Variants in DUS2 observed in about 807,000 individuals in gnomAD.
DUS2 encodes the protein tRNA-dihydrouridine(20) synthase [NAD(P)+]-like.
DUS2 carries 52 observed loss-of-function variants against 71.3 expected under a neutral mutation model. The observed-to-expected ratio is 0.73, with a 90% confidence interval of 0.58 to 0.92. The LOEUF is 0.92. Ranked by LOEUF, DUS2 falls within the 40% of genes least tolerant of loss-of-function variation. DUS2 has a pLI of 0.00. For missense variants in DUS2, 558 were observed against 622.6 expected, an observed-to-expected ratio of 0.90 and a Z score of 1.10; for synonymous variants, 204 against 227.8, an observed-to-expected ratio of 0.90 and a Z score of 0.94.
At chr16:68,043,644 T>TA (rs1284974950) in intron 3 of DUS2, among the ~76,000 whole-genome samples, 2 of 152,182 alleles carry the variant, frequency 1.3e-5, no homozygotes, top group African/African-American at 2.4e-5. Context: ...AATTAAAAAT[T>TA]ATGTTTTTAG....
intron 4 of DUS2, among the ~76,000 whole-genome samples, chr16:68,052,376 C>G (rs2033791226): frequency 6.6e-6 from 1 of 152,154 alleles, no homozygotes; most frequent in African/African-American, 2.4e-5. Flanking sequence ...TCAGGCAACT[C>G]AAAACTTTCA....
chr16:68,060,982 A>G, intron 7 of DUS2, 84 bp from the exon 8 acceptor site: 1 of 1,351,840 alleles, frequency 7.4e-7, no homozygotes, highest in Non-Finnish European at 1.1e-6. Context: ...TGCCGGGGTG[A>G]CGCTCAGTTG....
chr16:68,053,628 A>C lies in DUS2; in HGVS notation c.237A>C (p.Arg79Ser), dbSNP rs1376658747. ...DDRVVFRTCE[R>S]EQNRVVFQMG... ...GAGTTGTCTTCCGCACCTGTGAAAG[A>C]GAGCAGAACAGGGTGGTCTTCCAGA... The change falls in exon 5 of 17, where the codon AGA (arginine) becomes AGC (serine). Residue 79 changes from arginine to serine, a missense_variant. Transcript: ENST00000565263. The C allele has an allele frequency of 1.2e-6, 2 of 1,614,220 alleles. No homozygotes were observed. The highest frequency in any genetic ancestry group is 2.2e-5 in the South Asian group (2 of 91,090).
chr16:68,078,302 T>C (rs2034186663), intron 15 of DUS2, 143 bp from the exon 16 acceptor site: 2 of 753,414 alleles, frequency 2.7e-6, no homozygotes, highest in East Asian at 5.0e-5. Flanking sequence ...GCACTTTTGC[T>C]TGGGAGGAGC....
intron 7 of DUS2, among the ~76,000 whole-genome samples, chr16:68,060,781 G>A (rs1015385270): frequency 6.6e-6 from 1 of 152,078 alleles, no homozygotes; most frequent in Admixed American, 6.5e-5. Flanking sequence ...TGGGGAGGTG[G>A]AGGTTGCAGT....
At chr16:68,055,686 C>T (rs1249393597) in intron 6 of DUS2, among the ~76,000 whole-genome samples, 5 of 151,944 alleles carry the variant, frequency 3.3e-5, no homozygotes, top group Admixed American at 2.6e-4. Flanking sequence ...GCATGTGGCA[C>T]ATACTGACAT....
In DUS2 at chr16:68,075,451, G is replaced by A. The variant is rs2034143729; in HGVS notation, c.1029G>A (p.Gly343=). 3.7e-6 allele frequency: 6 copies of A among 1,613,904 alleles called. No individual in the cohort carries two copies. In the African/African-American group the frequency reaches 8.0e-5, roughly 22 times the overall value. ...RLSAKTSEQT[G]EPAEDTSGVI... ...CAGCCAAGACTTCAGAGCAGACAGG[G>A]GAGCCAGCTGAAGATACCTCTGGTG... The change falls in exon 14 of 17, where the codon GGG becomes GGA. Residue 343 remains glycine (G), a synonymous_variant. Transcript: ENST00000565263.
At chr16:68,065,368 G>GCC (rs148780009) in intron 8 of DUS2, among the ~76,000 whole-genome samples, 2,727 of 148,820 alleles carry the variant, frequency 0.018, 30 homozygotes, top group Non-Finnish European at 0.028. Context: ...GAAGCTGTCT[G>GCC]CCCCCCCGCT....
At chr16:68,076,828 T>C (rs987175597) in intron 15 of DUS2, 109 bp downstream of exon 15, 37 of 849,474 alleles carry the variant, frequency 4.4e-5, no homozygotes, top group Non-Finnish European at 5.9e-5. Flanking sequence ...TCTGTAGGCA[T>C]GGAGAAGCTG....
intron 6 of DUS2, among the ~76,000 whole-genome samples, chr16:68,055,975 A>T (rs1377488705): frequency 2.0e-5 from 3 of 152,028 alleles, no homozygotes; most frequent in African/African-American, 7.2e-5. Context: ...TAGAACTTCC[A>T]CCAGAAGCTG....
chr16:68,039,868 G>A (rs1031378592), intron 3 of DUS2, among the ~76,000 whole-genome samples: 12 of 152,098 alleles, frequency 7.9e-5, no homozygotes, highest in Non-Finnish European at 1.2e-4. Context: ...AGCAGATGAG[G>A]GAATAGAAAT....
intron 2 of DUS2, among the ~76,000 whole-genome samples, chr16:68,026,482 T>C (rs1262354418): frequency 2.6e-5 from 4 of 152,156 alleles, no homozygotes; most frequent in Non-Finnish European, 5.9e-5. Flanking sequence ...TCATTATCAC[T>C]ATAGTATTCC....
At position 68,049,553 on chromosome 16, in the gene DUS2, G is replaced by C. The variant is rs371019394; in HGVS notation, c.172+3G>C. ...TCAGTGCAAGAGAGTTGTTAATGGT[G>C]AGTACAGATCTGGCTCCAGAATTAT... On this transcript the variant is annotated splice_donor_region_variant and intron_variant, in intron 4 of 16. Coordinates refer to ENST00000565263, the MANE Select transcript of DUS2 (RefSeq NM_017803.5). 5.6e-6 allele frequency: 9 copies of C among 1,614,030 alleles called. No homozygotes were observed. The highest frequency in any genetic ancestry group is 1.7e-5 in the Admixed American group (1 of 60,002).
At chr16:68,035,960 ATATGT>A (rs1172127767) in intron 2 of DUS2, among the ~76,000 whole-genome samples, 1 of 137,070 alleles carries the variant, frequency 7.3e-6, no homozygotes, top group East Asian at 2.0e-4. Context: ...ATATACACAC[ATATGT>A]TATATATATA....
Position 68,057,880 on chromosome 16 carries a change from CAAAAAA to C in DUS2, c.369+1472_369+1477del, listed in dbSNP as rs5817628. Among the ~76,000 whole-genome samples the C allele has an allele frequency of 3.3e-4, 30 of 92,122 alleles. 1 individual carries two copies. The highest frequency in any genetic ancestry group is 2.5e-3 in the Admixed American group (22 of 8,752). The allele number at this position is 92,122 out of a possible 152,430, so 60.4% of individuals were successfully genotyped here. A position where few individuals can be genotyped will look rare whatever the true frequency, so the allele number is the denominator to read the frequency against. Reference sequence around the variant, plus strand: ...GGGTGACAAGAGCGAAAATCTGTCTCAAAAAAAAAAAAAAAAAAAAAGTGGATGCAG... The same window carrying C: ...GGGTGACAAGAGCGAAAATCTGTCTCAAAAAAAAAAAAAAAGTGGATGCAG... On this transcript the variant is annotated intron_variant, in intron 7 of 16. Transcript: ENST00000565263.
rs2033512485 is a variant in DUS2 at position 68,035,882 on chromosome 16, TTTTATATATATA to T, written c.-18-2122_-18-2111del. Among the ~76,000 whole-genome samples, 8 of 75,214 alleles carry T rather than the reference TTTTATATATATA, an allele frequency of 1.1e-4. No homozygotes were observed. The South Asian group carries it at 3.6e-3, about 34-fold the overall frequency. 49.3% of individuals were successfully genotyped at this position (75,214 alleles called of 152,430 possible). A position where few individuals can be genotyped will look rare whatever the true frequency, so the allele number is the denominator to read the frequency against. ...GGTGTGTACCACCACATCCCGCTAA[TTTTATATATATA>T]TATATATATATATATATATATATAT... On this transcript the variant is annotated intron_variant, in intron 2 of 16. Transcript: ENST00000565263.
At chr16:68,035,766 G>A (rs1375855015) in intron 2 of DUS2, among the ~76,000 whole-genome samples, 1 of 146,554 alleles carries the variant, frequency 6.8e-6, no homozygotes, top group Non-Finnish European at 1.5e-5. Context: ...CCAGGCTGGA[G>A]TGCAGGGGCG....
In DUS2 at chr16:68,066,299, G is replaced by T; in HGVS notation, c.418-18G>T. 1.2e-6 allele frequency: 2 copies of T among 1,613,684 alleles called. No individual in the cohort carries two copies. Among genetic ancestry groups the T allele is most frequent in the Non-Finnish European group, 1.7e-6 (2 of 1,179,574 alleles). On this transcript the variant is annotated intron_variant, in intron 8 of 16. Transcript: ENST00000565263. ...TGTTCCAGAAGACATAGGTGCTCTT[G>T]TGTTTTCCTTTCTGCAGATCCTCAG...
chr16:68,072,208 G>T (rs569672075), intron 12 of DUS2, among the ~76,000 whole-genome samples: 1 of 152,180 alleles, frequency 6.6e-6, no homozygotes, highest in Admixed American at 6.5e-5. Context: ...TGAGGTCTGC[G>T]TCCAGAGCTG....
Sources: gnomAD v4.1 joint callset for allele counts (sites outside exome capture counted in the v4.1 genomes callset) on GRCh38, gnomAD v4.1.1 for gene constraint, MANE v1.5 for transcripts, NCBI Gene and HGNC (gene_info 2026-07-23, HGNC 2026-07-21) for gene names.